PRRC1: variants seen among roughly 807,000 people sequenced by gnomAD.
The protein encoded by PRRC1 is proline rich coiled-coil 1.
PRRC1 carries 39 observed loss-of-function variants against 40.7 expected under a neutral mutation model. The observed-to-expected ratio is 0.96, with a 90% confidence interval of 0.74 to 1.25. The LOEUF is 1.25. Ranked by LOEUF, PRRC1 falls within the 50% of genes most tolerant of loss-of-function variation. PRRC1 has a pLI of 0.00. For synonymous variants in PRRC1, 175 were observed against 193.3 expected (o/e 0.91, Z 0.79); for missense variants, 573 against 548.3 (o/e 1.05, Z -0.45).
intron 6 of PRRC1, among the ~76,000 whole-genome samples, chr5:127,538,385 C>T (rs1767952657): frequency 1.3e-5 from 2 of 152,028 alleles, no homozygotes; most frequent in South Asian, 2.1e-4. Context: ...TTCATGGTCA[C>T]CTTTTATGAA....
Position 127,524,574 on chromosome 5 carries a change from G to A in PRRC1, c.147G>A (p.Glu49=), listed in dbSNP as rs1767550286. 1 of 1,613,884 alleles carries A rather than the reference G, an allele frequency of 6.2e-7. No individual in the cohort carries two copies. Among genetic ancestry groups the A allele is most frequent in the Non-Finnish European group, 8.5e-7 (1 of 1,179,886 alleles). ...SFSSPNVSSM[E]SFPPLAYSTP... is the part of the protein sequence containing the mutation. ...CTTCTCCAAATGTATCCTCCATGGA[G>A]TCCTTCCCACCACTCGCATACTCTA... Residue 49 remains glutamate, a synonymous_variant, in exon 3 of 9, where the codon GAG becomes GAA. Coordinates refer to ENST00000296666, the MANE Select transcript of PRRC1 (RefSeq NM_130809.5).
At position 127,524,815 on chromosome 5, in the gene PRRC1, A is replaced by G; in HGVS notation, c.388A>G (p.Ile130Val). The change falls in exon 3 of 9, where the codon ATA (isoleucine) becomes GTA (valine). Residue 130 changes from isoleucine to valine, a missense_variant. Transcript: ENST00000296666. ...LLPAPPSGPP[I>V]SGFSVGSTYD... ...ACCTGCACCCCCTTCGGGTCCTCCT[A>G]TATCAGGATTTTCTGTTGGTTCAAC... 5.0e-6 allele frequency: 8 copies of G among 1,614,050 alleles called. No homozygotes were observed. Among genetic ancestry groups the G allele is most frequent in the South Asian group, 1.1e-5 (1 of 91,078 alleles).
Position 127,533,744 on chromosome 5 carries a change from C to T in PRRC1, c.879C>T (p.Ser293=). The T allele has an allele frequency of 6.2e-7, 1 of 1,614,006 alleles. No homozygotes were observed. Among genetic ancestry groups the T allele is most frequent in the Non-Finnish European group, 8.5e-7 (1 of 1,179,974 alleles). The change falls in exon 6 of 9, where the codon TCC becomes TCT. Residue 293 remains serine (S), a synonymous_variant. Coordinates refer to ENST00000296666, the MANE Select transcript of PRRC1 (RefSeq NM_130809.5). ...TGGTTGTAGGGGAAGCTGGACAGTC[C>T]AATATTGCCCCACAACCAGTGGGCT... The part of the protein sequence containing the change: ...LAVVVGEAGQ[S]NIAPQPVGYA...
At chr5:127,521,698 CCTT>C (rs1444220901) in intron 1 of PRRC1, among the ~76,000 whole-genome samples, 1 of 152,224 alleles carries the variant, frequency 6.6e-6, no homozygotes, top group African/African-American at 2.4e-5. Flanking sequence ...AGGCTGAACA[CCTT>C]CTGGGCTTCT....
rs751658259 is a variant in PRRC1 at position 127,551,894 on chromosome 5, G to A, written c.1316G>A (p.Arg439His). 12 of 1,613,924 alleles carry A rather than the reference G, an allele frequency of 7.4e-6. No individual in the cohort carries two copies. The highest frequency in any genetic ancestry group is 6.7e-5 in the African/African-American group (5 of 74,890). ...GCGATAGCGGGCATGTATAAACAGCGCCTGCCACCCAGGACAGTGTGAGAG... is the reference window on the plus strand; with the variant it reads ...GCGATAGCGGGCATGTATAAACAGCACCTGCCACCCAGGACAGTGTGAGAG... The part of the protein sequence containing the change: ...ARAIAGMYKQ[R>H]LPPRTV Residue 439 changes from arginine to histidine, a missense_variant, in exon 9 of 9, where the codon CGC (arginine) becomes CAC (histidine). Transcript: ENST00000296666.
At chr5:127,550,281 T>G (rs943408625) in intron 8 of PRRC1, 1 of 152,214 alleles carries the variant, frequency 6.6e-6, no homozygotes, top group Non-Finnish European at 1.5e-5. Flanking sequence ...TTGAAATGTC[T>G]TCTTTTTATC....
rs921182004 is a variant in PRRC1 at position 127,536,984 on chromosome 5, G to C, written c.922-2056G>C. On this transcript the variant is annotated intron_variant, in intron 6 of 8. Coordinates refer to ENST00000296666, the MANE Select transcript of PRRC1 (RefSeq NM_130809.5). ...CAATCAGATTTTATTTGAAGTAAAT[G>C]GGTTTTCTGAACTAAACTTACGTTA... Among the ~76,000 whole-genome samples the C allele has an allele frequency of 2.0e-5, 3 of 151,720 alleles. No individual in the cohort carries two copies. The East Asian group carries it at 5.8e-4, about 29-fold the overall frequency.
At chr5:127,534,008 A>G (rs1767837272) in intron 6 of PRRC1, 2 of 598,400 alleles carry the variant, frequency 3.3e-6, no homozygotes, top group Admixed American at 2.6e-5. Context: ...GGAAAGAAAC[A>G]TTGAGAGAGC....
chr5:127,553,291 T>G lies in PRRC1; in HGVS notation c.*1375T>G, dbSNP rs1768440097. 3 of 986,714 alleles carry G rather than the reference T, an allele frequency of 3.0e-6. No individual in the cohort carries two copies. The highest frequency in any genetic ancestry group is 3.6e-6 in the Non-Finnish European group (3 of 830,944). The allele number at this position is 986,714 out of a possible 1,614,324, so 61.1% of individuals were successfully genotyped here. The stretch of plus-strand genomic sequence containing the variant: ...CAAGTCATTATTTGGTTTCTGCTAT[T>G]TTTTTACCTGAGGATAAGAAGAATG... On this transcript the variant is annotated 3_prime_UTR_variant, in exon 9 of 9. Transcript: ENST00000296666.
Position 127,524,730 on chromosome 5 carries a change from C to T in PRRC1, c.303C>T (p.Ala101=). 2 of 1,614,124 alleles carry T rather than the reference C, an allele frequency of 1.2e-6. No individual in the cohort carries two copies. Among genetic ancestry groups the T allele is most frequent in the Non-Finnish European group, 1.7e-6 (2 of 1,180,000 alleles). ...PPPVSPSTAA[A]FGNPPVSHFP... ...CTGTTTCTCCATCAACTGCTGCTGC[C>T]TTCGGTAATCCTCCTGTATCTCACT... The change falls in exon 3 of 9, where the codon GCC becomes GCT. Residue 101 remains alanine, a synonymous_variant. Coordinates refer to ENST00000296666, the MANE Select transcript of PRRC1 (RefSeq NM_130809.5).
chr5:127,541,759 C>G (rs1382533407), intron 7 of PRRC1, among the ~76,000 whole-genome samples: 3 of 151,738 alleles, frequency 2.0e-5, no homozygotes, highest in Admixed American at 2.0e-4. Context: ...TTTGATTCTT[C>G]TCTCTTTTTT....
chr5:127,534,069 A>T (rs1767838221), intron 6 of PRRC1, among the ~76,000 whole-genome samples: 1 of 152,208 alleles, frequency 6.6e-6, no homozygotes, highest in African/African-American at 2.4e-5. Flanking sequence ...CAGCATTAAC[A>T]TTCAAATCAA....
Position 127,524,614 on chromosome 5 carries a change from C to T in PRRC1, c.187C>T (p.Leu63Phe). The T allele has an allele frequency of 6.2e-7, 1 of 1,614,194 alleles. No individual in the cohort carries two copies. The highest frequency in any genetic ancestry group is 1.3e-5 in the African/African-American group (1 of 75,056). The change falls in exon 3 of 9, where the codon CTT becomes TTT. Residue 63 changes from leucine (L) to phenylalanine (F), a missense_variant. Transcript: ENST00000296666. ...CGCATACTCTACTCCTCAGCCGCCC[C>T]TTCCTCCTGTGAGGCCTTCAGCACC... ...PLAYSTPQPP[L>F]PPVRPSAPLP...
At chr5:127,530,505 G>T (rs1767740438) in intron 5 of PRRC1, 109 bp downstream of exon 5, 2 of 555,540 alleles carry the variant, frequency 3.6e-6, no homozygotes, top group Admixed American at 3.6e-5. Context: ...GTAATCAGTG[G>T]AAATTCTTAT....
Position 127,553,921 on chromosome 5 carries a change from G to A in PRRC1, c.*2005G>A. ...CGGAACCGTGTGAGTGGGTGAGGAAGATGAGAGATGGTCAGATGGAAGAGA... is the reference window on the plus strand; with the variant it reads ...CGGAACCGTGTGAGTGGGTGAGGAAAATGAGAGATGGTCAGATGGAAGAGA... On this transcript the variant is annotated 3_prime_UTR_variant, in exon 9 of 9. Coordinates refer to ENST00000296666, the MANE Select transcript of PRRC1 (RefSeq NM_130809.5). 1.3e-6 allele frequency: 2 copies of A among 1,534,768 alleles called. No individual in the cohort carries two copies. Among genetic ancestry groups the A allele is most frequent in the Non-Finnish European group, 1.7e-6 (2 of 1,146,064 alleles).
Position 127,553,681 on chromosome 5 carries a change from A to G in PRRC1, c.*1765A>G. ...TTCCCTCCTATTATAAGGAAATCTT[A>G]CAGATTCTAAAAATACCTTAATTTT... On this transcript the variant is annotated 3_prime_UTR_variant, in exon 9 of 9. Transcript: ENST00000296666. The G allele has an allele frequency of 3.4e-6, 5 of 1,479,864 alleles. No homozygotes were observed. Among genetic ancestry groups the G allele is most frequent in the Non-Finnish European group, 4.5e-6 (5 of 1,121,486 alleles). The allele number at this position is 1,479,864 out of a possible 1,614,324, so 91.7% of individuals were successfully genotyped here.
intron 4 of PRRC1, among the ~76,000 whole-genome samples, chr5:127,529,440 C>T (rs192649302): frequency 6.6e-6 from 1 of 152,090 alleles, no homozygotes; most frequent in East Asian, 1.9e-4. Flanking sequence ...GTTGTAATAC[C>T]CAGTTCAACT....
chr5:127,530,860 G>A (rs1296954303), intron 5 of PRRC1, among the ~76,000 whole-genome samples: 3 of 151,752 alleles, frequency 2.0e-5, no homozygotes, highest in Non-Finnish European at 2.9e-5. Context: ...TAATGACTGG[G>A]TATATTGGGA....
rs1427511682 is a variant in PRRC1, at chr5:127,552,938, C to G, written c.*1022C>G. 1.1e-6 allele frequency: 1 copy of G among 889,770 alleles called. No homozygotes were observed. The highest frequency in any genetic ancestry group is 1.2e-4 in the East Asian group (1 of 8,064). The allele number at this position is 889,770 out of a possible 1,614,324, so 55.1% of individuals were successfully genotyped here. On this transcript the variant is annotated 3_prime_UTR_variant, in exon 9 of 9. Transcript: ENST00000296666. ...TCAAAGAAACTATTTTATATTCAAT[C>G]TAGTTTATTTAGTCTACTGTATTTC...
Sources: gnomAD v4.1 joint callset for allele counts (sites outside exome capture counted in the v4.1 genomes callset) on GRCh38, gnomAD v4.1.1 for gene constraint, MANE v1.5 for transcripts, NCBI Gene and HGNC (gene_info 2026-07-23, HGNC 2026-07-21) for gene names.